Variants in LTBP2 observed in about 807,000 individuals in gnomAD.
The protein encoded by LTBP2 is latent transforming growth factor beta binding protein 2.
LTBP2 carries 103 observed loss-of-function variants against 210.6 expected under a neutral mutation model. The observed-to-expected ratio is 0.49, with a 90% CI of 0.42 to 0.58. The LOEUF (loss-of-function observed/expected upper bound fraction) is 0.58. Ranked by LOEUF, LTBP2 falls within the 20% of genes least tolerant of loss-of-function variation. LTBP2 has a pLI of 0.00. For synonymous variants in LTBP2, 1,007 were observed against 1,015.0 expected (o/e 0.99, Z 0.15); for missense variants, 2,313 against 2,494.5 (o/e 0.93, Z 1.55).
At chr14:74,561,251 G>C (rs1323483037) in intron 3 of LTBP2, among the ~76,000 whole-genome samples, 1 of 152,182 alleles carries the variant, frequency 6.6e-6, no homozygotes, top group Non-Finnish European at 1.5e-5. Context: ...CCGGGAGGCA[G>C]AGGTTGCAGT....
chr14:74,505,240 C>T (rs1595239107), intron 28 of LTBP2, 66 bp from the exon 29 acceptor site: 1 of 1,541,256 alleles, frequency 6.5e-7, no homozygotes, highest in East Asian at 2.3e-5. Context: ...TAGTCCTTGA[C>T]TTTATTTCTT....
intron 2 of LTBP2, among the ~76,000 whole-genome samples, chr14:74,602,252 T>C (rs1164388022): frequency 1.3e-5 from 2 of 152,232 alleles, no homozygotes; most frequent in Non-Finnish European, 2.9e-5. Context: ...TCAGCTTCCT[T>C]ATCTGTAAGC....
intron 2 of LTBP2, 108 bp downstream of exon 2, chr14:74,603,527 T>C: frequency 9.2e-7 from 1 of 1,084,170 alleles, no homozygotes; most frequent in Non-Finnish European, 1.4e-6. Context: ...AAGACGCTTC[T>C]GCTCCAGGTT....
intron 13 of LTBP2, among the ~76,000 whole-genome samples, chr14:74,526,642 G>A (rs550507935): frequency 6.6e-6 from 1 of 152,360 alleles, no homozygotes; most frequent in South Asian, 2.1e-4. Flanking sequence ...GGGGACCAGA[G>A]TTAGAGCTTT....
intron 28 of LTBP2, among the ~76,000 whole-genome samples, chr14:74,505,770 G>A (rs867307463): frequency 3.9e-5 from 6 of 152,258 alleles, no homozygotes; most frequent in Admixed American, 6.5e-5. Flanking sequence ...GTCCCTCCAA[G>A]GCTCAATCTG....
intron 22 of LTBP2, 141 bp from the exon 23 acceptor site, chr14:74,509,093 G>T: frequency 6.4e-7 from 1 of 1,567,162 alleles, no homozygotes; most frequent in Non-Finnish European, 8.7e-7. Context: ...AGGCAGCACA[G>T]CTGGGACAAG....
intron 8 of LTBP2, among the ~76,000 whole-genome samples, chr14:74,537,743 T>TTTC (rs200689325): frequency 2.8e-4 from 42 of 152,122 alleles, no homozygotes; most frequent in East Asian, 9.7e-4. Context: ...TTCTTCATAT[T>TTTC]TTCTTCTTCT....
At chr14:74,564,252 T>C (rs1304860303) in intron 3 of LTBP2, among the ~76,000 whole-genome samples, 2 of 46,178 alleles carry the variant, frequency 4.3e-5, no homozygotes, top group African/African-American at 8.8e-5. Context: ...TTTATATATA[T>C]TTATATATAT....
chr14:74,605,392 C>T (rs2088510799), intron 1 of LTBP2, among the ~76,000 whole-genome samples: 1 of 152,192 alleles, frequency 6.6e-6, no homozygotes, highest in African/African-American at 2.4e-5. Flanking sequence ...ACTTGGGCCA[C>T]CTCAAAGCCT....
rs1595235271 is a variant in LTBP2 at position 74,501,416 on chromosome 14, T to G, written c.5320+25A>C. 9 of 1,613,884 alleles carry G rather than the reference T, an allele frequency of 5.6e-6. No homozygotes were observed. In the East Asian group the frequency reaches 2.0e-4, roughly 36 times the overall value. ...TCTGTGGGCAGTGGGCCAGCCTGAC[T>G]CCTCCATCAGAATTCTGCACTTACC... On this transcript the variant is annotated intron_variant, in intron 35 of 35. Coordinates refer to ENST00000261978, the MANE Select transcript of LTBP2 (RefSeq NM_000428.3).
In LTBP2 at chr14:74,612,186, C is replaced by G; in HGVS notation, c.-242G>C. 1 of 490,338 alleles carries G rather than the reference C, an allele frequency of 2.0e-6. No homozygotes were observed. The highest frequency in any genetic ancestry group is 3.5e-6 in the Non-Finnish European group (1 of 282,134). The allele number at this position is 490,338 out of a possible 1,614,324, so 30.4% of individuals were successfully genotyped here. ...GCACGGCTGCTGCACCTTCGCGCCTCCTCCCTGTGCCTGCAGCCGTCTGAA... is the reference window on the plus strand; with the variant it reads ...GCACGGCTGCTGCACCTTCGCGCCTGCTCCCTGTGCCTGCAGCCGTCTGAA... On this transcript the variant is annotated 5_prime_UTR_variant, in exon 1 of 36. Coordinates refer to ENST00000261978, the MANE Select transcript of LTBP2 (RefSeq NM_000428.3).
intron 9 of LTBP2, among the ~76,000 whole-genome samples, chr14:74,534,826 G>A (rs2087398791): frequency 6.6e-6 from 1 of 152,108 alleles, no homozygotes; most frequent in Non-Finnish European, 1.5e-5. Flanking sequence ...CACATACATG[G>A]GAAGGGGAGG....
chr14:74,568,835 T>C (rs1480789771), intron 3 of LTBP2, among the ~76,000 whole-genome samples: 1 of 152,178 alleles, frequency 6.6e-6, no homozygotes, highest in Non-Finnish European at 1.5e-5. Flanking sequence ...CTTCGGGACC[T>C]AGTACAGAAG....
Position 74,572,307 on chromosome 14 carries a change from C to CTG in LTBP2, c.830+13545_830+13546dup, listed in dbSNP as rs1203424524. 2.0e-3 allele frequency among the ~76,000 whole-genome samples: 274 copies of CTG among 140,334 alleles called. 2 individuals are homozygous for CTG. Among genetic ancestry groups the CTG allele is most frequent in the African/African-American group, 5.2e-3 (198 of 38,298 alleles). 92.1% of individuals were successfully genotyped at this position (140,334 alleles called of 152,430 possible). A position where few individuals can be genotyped will look rare whatever the true frequency, so the allele number is the denominator to read the frequency against. On this transcript the variant is annotated intron_variant, in intron 3 of 35. Transcript: ENST00000261978. ...GGGGTGTGTGTGTGTGTGTGTGTGT[C>CTG]TGTGTGTGTGTGTGTGAGAGAGAGA...
intron 18 of LTBP2, among the ~76,000 whole-genome samples, chr14:74,514,942 T>C (rs894250791): frequency 2.6e-5 from 4 of 152,142 alleles, no homozygotes; most frequent in Non-Finnish European, 5.9e-5. Context: ...CCAGGAACTC[T>C]GCCTGACCTC....
chr14:74,601,285 C>T (rs2088442666), intron 2 of LTBP2, among the ~76,000 whole-genome samples: 1 of 152,164 alleles, frequency 6.6e-6, no homozygotes, highest in South Asian at 2.1e-4. Context: ...GTGGCTCACA[C>T]CTGTAAGCCC....
chr14:74,509,591 G>T, intron 21 of LTBP2, 143 bp downstream of exon 21: 2 of 1,279,362 alleles, frequency 1.6e-6, no homozygotes, highest in Non-Finnish European at 1.1e-6. Flanking sequence ...AGCTCTTGTT[G>T]GGGCCAGGTC....
intron 2 of LTBP2, among the ~76,000 whole-genome samples, chr14:74,593,748 G>A (rs2088315809): frequency 6.6e-6 from 1 of 152,034 alleles, no homozygotes; most frequent in South Asian, 2.1e-4. Context: ...ATCATCACAG[G>A]AAGTTCCACT....
At chr14:74,552,532 G>C (rs2087674972) in intron 5 of LTBP2, 139 bp from the exon 6 acceptor site, 2 of 782,754 alleles carry the variant, frequency 2.6e-6, no homozygotes, top group Non-Finnish European at 4.3e-6. Flanking sequence ...CTGAAATGTA[G>C]GGACTTTCCA....
Sources: allele counts gnomAD v4.1 joint callset (sites outside exome capture counted in the v4.1 genomes callset), GRCh38; gene constraint gnomAD v4.1.1; transcripts MANE v1.5; gene names NCBI Gene and HGNC (gene_info 2026-07-23, HGNC 2026-07-21).